Variants in CHST11 observed in about 807,000 individuals in gnomAD.
CHST11 encodes the protein carbohydrate sulfotransferase 11, also known as C4S-1.
A neutral mutation model predicts 30.4 loss-of-function variants in CHST11; 9 were observed. That is an observed-to-expected ratio of 0.30 (90% CI 0.18 to 0.52). CHST11 has a LOEUF of 0.52. CHST11 is among the 20% of genes least tolerant of loss of function. The probability of loss-of-function intolerance (pLI) is 0.97; values close to 1 mark genes in which losing one functional copy is unlikely to be tolerated. For synonymous variants in CHST11, 152 were observed against 187.8 expected, an observed-to-expected ratio of 0.81 and a Z score of 1.56; for missense variants, 348 against 460.6, an observed-to-expected ratio of 0.76 and a Z score of 2.24.
At chr12:104,609,152 T>C (rs1464448663) in intron 2 of CHST11, among the ~76,000 whole-genome samples, 13 of 152,198 alleles carry the variant, frequency 8.5e-5, no homozygotes, top group African/African-American at 3.1e-4. Context: ...TGTCCCCAAC[T>C]CTGGTCAATT....
intron 2 of CHST11, among the ~76,000 whole-genome samples, chr12:104,751,774 C>T (rs914810368): frequency 3.3e-5 from 5 of 152,212 alleles, no homozygotes; most frequent in Non-Finnish European, 5.9e-5. Flanking sequence ...GTGGTACTAT[C>T]CCCATTTTGC....
At chr12:104,609,606 G>T (rs1397635070) in intron 2 of CHST11, among the ~76,000 whole-genome samples, 3 of 152,222 alleles carry the variant, frequency 2.0e-5, no homozygotes, top group Non-Finnish European at 2.9e-5. Context: ...AGGAACTGGG[G>T]AGTCCCAGCC....
At chr12:104,545,971 T>G (rs1280832193) in intron 1 of CHST11, among the ~76,000 whole-genome samples, 2 of 152,076 alleles carry the variant, frequency 1.3e-5, no homozygotes, top group Non-Finnish European at 2.9e-5. Flanking sequence ...CTAGGGTCTG[T>G]TTTATAAAGG....
intron 1 of CHST11, among the ~76,000 whole-genome samples, chr12:104,518,501 G>A (rs1171252298): frequency 1.3e-5 from 2 of 152,158 alleles, no homozygotes; most frequent in Non-Finnish European, 2.9e-5. Context: ...CAAATACGAT[G>A]TCTGTGCACC....
intron 2 of CHST11, among the ~76,000 whole-genome samples, chr12:104,609,100 G>A (rs1162698571): frequency 1.3e-5 from 2 of 152,240 alleles, no homozygotes; most frequent in African/African-American, 4.8e-5. Context: ...ATGCTGAGTG[G>A]TCACATATGC....
intron 2 of CHST11, among the ~76,000 whole-genome samples, chr12:104,625,914 A>G (rs2039209890): frequency 6.6e-6 from 1 of 152,206 alleles, no homozygotes; most frequent in South Asian, 2.1e-4. Context: ...AATTTGTGAA[A>G]CAAATTAATA....
intron 1 of CHST11, among the ~76,000 whole-genome samples, chr12:104,556,436 AACAG>A (rs773897250): frequency 1.3e-5 from 2 of 152,292 alleles, no homozygotes; most frequent in Non-Finnish European, 2.9e-5. Context: ...GGTTGCTTGA[AACAG>A]ACATTTATCC....
intron 1 of CHST11, among the ~76,000 whole-genome samples, chr12:104,572,965 C>G (rs1425662709): frequency 6.6e-6 from 1 of 152,146 alleles, no homozygotes; most frequent in Admixed American, 6.6e-5. Context: ...CTAGAAAACC[C>G]CATCGTCTCA....
chr12:104,461,025 AGTAG>A (rs2037403027), intron 1 of CHST11, among the ~76,000 whole-genome samples: 1 of 152,184 alleles, frequency 6.6e-6, no homozygotes, highest in Non-Finnish European at 1.5e-5. Flanking sequence ...AAACTCCAGA[AGTAG>A]ACCCACTTCT....
chr12:104,623,319 T>C (rs2136062096), intron 2 of CHST11, among the ~76,000 whole-genome samples: 1 of 152,300 alleles, frequency 6.6e-6, no homozygotes, highest in East Asian at 1.9e-4. Context: ...GGTGAGACAA[T>C]GGAAGCTGTT....
At chr12:104,654,295 A>T (rs1024638115) in intron 2 of CHST11, among the ~76,000 whole-genome samples, 1 of 152,124 alleles carries the variant, frequency 6.6e-6, no homozygotes, top group African/African-American at 2.4e-5. Context: ...GAACCCAAAA[A>T]TTTTCCATTG....
chr12:104,614,693 T>TTGTGTGTGTGTGTG (rs3039184), intron 2 of CHST11, among the ~76,000 whole-genome samples: 4 of 148,826 alleles, frequency 2.7e-5, no homozygotes, highest in African/African-American at 7.5e-5. Context: ...GCATGCATGC[T>TTGTGTGTGTGTGTG]TGTGTGTGTG....
chr12:104,611,068 G>C (rs1217275344), intron 2 of CHST11, among the ~76,000 whole-genome samples: 1 of 152,018 alleles, frequency 6.6e-6, no homozygotes, highest in Admixed American at 6.6e-5. Flanking sequence ...TTCTAGAATG[G>C]TGCTGCCCAC....
intron 2 of CHST11, among the ~76,000 whole-genome samples, chr12:104,605,333 TG>T (rs1269655122): frequency 6.6e-6 from 1 of 152,154 alleles, no homozygotes; most frequent in Non-Finnish European, 1.5e-5. Flanking sequence ...TTTAGTGCCT[TG>T]CAAACCCCTA....
intron 2 of CHST11, among the ~76,000 whole-genome samples, chr12:104,631,292 C>T (rs1183760273): frequency 6.6e-6 from 1 of 152,198 alleles, no homozygotes; most frequent in Non-Finnish European, 1.5e-5. Context: ...ATTCACTCTT[C>T]CTCAGACCTC....
intron 2 of CHST11, among the ~76,000 whole-genome samples, chr12:104,670,003 G>A (rs537460153): frequency 6.6e-6 from 1 of 152,340 alleles, no homozygotes; most frequent in Non-Finnish European, 1.5e-5. Context: ...TTTAGAGGAG[G>A]CCCTTAATAA....
chr12:104,691,590 C>T (rs533882244), intron 2 of CHST11, among the ~76,000 whole-genome samples: 6 of 151,060 alleles, frequency 4.0e-5, no homozygotes, highest in South Asian at 2.1e-4. Context: ...CTGGTTCAAG[C>T]GATTCTCCTG....
At chr12:104,475,554 C>T (rs752845268) in intron 1 of CHST11, among the ~76,000 whole-genome samples, 20 of 150,354 alleles carry the variant, frequency 1.3e-4, no homozygotes, top group Middle Eastern at 3.4e-3. Context: ...ATAGAGCTCA[C>T]GTTCTTGGCA....
chr12:104,755,316 C>T (rs986887186), intron 2 of CHST11, among the ~76,000 whole-genome samples: 8 of 152,262 alleles, frequency 5.3e-5, no homozygotes, highest in East Asian at 1.9e-4. Context: ...CTGGAGGAGG[C>T]GGTGACTCTG....
Sources: allele counts gnomAD v4.1 joint callset (sites outside exome capture counted in the v4.1 genomes callset), GRCh38; gene constraint gnomAD v4.1.1; transcripts MANE v1.5; gene names NCBI Gene and HGNC (gene_info 2026-07-23, HGNC 2026-07-21).